SLC22A24: variants seen among roughly 807,000 people sequenced by gnomAD.
SLC22A24 encodes the protein solute carrier family 22 member 24, also known as steroid transmembrane transporter SLC22A24.
Under a neutral mutation model 49.8 loss-of-function variants are expected in SLC22A24, and 53 were observed. The ratio of observed to expected loss-of-function variants is 1.06; its 90% CI spans 0.85 to 1.34. The LOEUF (loss-of-function observed/expected upper bound fraction) is 1.34, where lower values mean the gene tolerates loss of function less well. Among genes scored for constraint, SLC22A24 ranks in the 40% most tolerant of loss-of-function variants. The pLI is 0.00. For synonymous variants in SLC22A24, 302 were observed against 256.4 expected, an observed-to-expected ratio of 1.18 and a Z score of -1.70; for missense variants, 786 against 675.9, an observed-to-expected ratio of 1.16 and a Z score of -1.81.
At chr11:63,129,017 AT>A (rs2087314263) in intron 2 of SLC22A24, among the ~76,000 whole-genome samples, 1 of 152,048 alleles carries the variant, frequency 6.6e-6, no homozygotes, top group Non-Finnish European at 1.5e-5. Flanking sequence ...TTTTGTTGCC[AT>A]TGTTTTGGTG....
intron 2 of SLC22A24, among the ~76,000 whole-genome samples, chr11:63,125,321 C>T (rs192569492): frequency 1.8e-4 from 28 of 152,170 alleles, no homozygotes; most frequent in East Asian, 7.8e-4. Context: ...CTGCACTCCA[C>T]GACAGGCCCT....
chr11:63,098,963 A>G (rs752150580), intron 5 of SLC22A24, among the ~76,000 whole-genome samples: 5 of 152,172 alleles, frequency 3.3e-5, no homozygotes, highest in Non-Finnish European at 7.4e-5. Flanking sequence ...TCAAAGGGTT[A>G]TTAAAGGCTG....
chr11:63,082,959 A>G (rs1461607531), intron 7 of SLC22A24, among the ~76,000 whole-genome samples: 3 of 152,250 alleles, frequency 2.0e-5, no homozygotes, highest in Non-Finnish European at 2.9e-5. Context: ...TTACTTTTCT[A>G]AAGAAACCAT....
At chr11:63,118,603 T>C (rs1232430413) in intron 4 of SLC22A24, 5 of 538,808 alleles carry the variant, frequency 9.3e-6, no homozygotes, top group Non-Finnish European at 1.6e-5. Flanking sequence ...CCAAATTATC[T>C]CCATCACATA....
At chr11:63,111,181 G>A (rs1354765038) in intron 4 of SLC22A24, among the ~76,000 whole-genome samples, 1 of 151,974 alleles carries the variant, frequency 6.6e-6, no homozygotes, top group Non-Finnish European at 1.5e-5. Flanking sequence ...AACCAGCCTT[G>A]CATCCCAGGG....
At chr11:63,104,092 G>T (rs745320727) in intron 5 of SLC22A24, 83 bp downstream of exon 5, 3 of 1,417,924 alleles carry the variant, frequency 2.1e-6, no homozygotes, top group Non-Finnish European at 2.9e-6. Flanking sequence ...GTCTAATTCT[G>T]TCACTCCAGG....
In SLC22A24 at chr11:63,116,685, C is replaced by T. The variant is rs538334678; in HGVS notation, c.830+2227G>A. On this transcript the variant is annotated intron_variant, in intron 4 of 9. Coordinates refer to ENST00000612278, the MANE Select transcript of SLC22A24 (RefSeq NM_001136506.2). ...TTATTTTTAAAAATATACTTTGTTC[C>T]TTTTTCTCAGCCCTCGCCTTCTGGG... Among the ~76,000 whole-genome samples, 78 of 151,996 alleles carry T rather than the reference C, an allele frequency of 5.1e-4. 2 individuals are homozygous for T. In the South Asian group the frequency reaches 0.015, roughly 30 times the overall value.
At chr11:63,118,489 C>T (rs935474782) in intron 4 of SLC22A24, 3 of 233,734 alleles carry the variant, frequency 1.3e-5, no homozygotes, top group Non-Finnish European at 2.5e-5. Context: ...CCCATCCTAA[C>T]TCTTGGTGCT....
rs1478181582 is a variant in SLC22A24 at position 63,081,023 on chromosome 11, T to C, written c.1495A>G (p.Ile499Val). 6.4e-7 allele frequency: 1 copy of C among 1,551,534 alleles called. No individual in the cohort carries two copies. Among genetic ancestry groups the C allele is most frequent in the Non-Finnish European group, 8.7e-7 (1 of 1,147,022 alleles). ...LMAYSPHLPWISYGVFPILAV... is the reference protein window; with the variant it reads ...LMAYSPHLPWVSYGVFPILAV... ...AGGATGGGGAAGACTCCATAGGAAATCCAGGGTAGGTGGGGAGAATACGCC... is the reference window on the plus strand; with the variant it reads ...AGGATGGGGAAGACTCCATAGGAAACCCAGGGTAGGTGGGGAGAATACGCC... Residue 499 changes from isoleucine (I) to valine (V), a missense_variant, in exon 9 of 10, where the codon ATT becomes GTT. Transcript: ENST00000612278.
At chr11:63,134,977 T>G (rs1209423831) in intron 1 of SLC22A24, among the ~76,000 whole-genome samples, 1 of 152,176 alleles carries the variant, frequency 6.6e-6, no homozygotes, top group Non-Finnish European at 1.5e-5. Flanking sequence ...TGCATCTGTC[T>G]CTCTCTCACC....
intron 6 of SLC22A24, among the ~76,000 whole-genome samples, chr11:63,086,456 G>A (rs890319546): frequency 1.3e-5 from 2 of 152,104 alleles, no homozygotes; most frequent in African/African-American, 4.8e-5. Context: ...AATACCACAT[G>A]TTCTCACTTA....
chr11:63,104,331 C>A (rs765287471), intron 4 of SLC22A24, 33 bp from the exon 5 acceptor site: 5 of 1,522,394 alleles, frequency 3.3e-6, no homozygotes, highest in Non-Finnish European at 4.4e-6. Context: ...GTATAGTAAA[C>A]AATTACTTAT....
intron 9 of SLC22A24, 145 bp from the exon 10 acceptor site, chr11:63,080,145 A>G (rs2086951012): frequency 8.6e-6 from 5 of 578,352 alleles, no homozygotes; most frequent in Non-Finnish European, 1.2e-5. Context: ...AGATATTGAT[A>G]CTATTGTGTT....
At chr11:63,106,464 G>A (rs1445712770) in intron 4 of SLC22A24, among the ~76,000 whole-genome samples, 4 of 152,056 alleles carry the variant, frequency 2.6e-5, no homozygotes, top group Non-Finnish European at 5.9e-5. Flanking sequence ...GGGATGGCTG[G>A]GTCAAATGGT....
chr11:63,100,302 A>G (rs2087082806), intron 5 of SLC22A24, among the ~76,000 whole-genome samples: 1 of 152,192 alleles, frequency 6.6e-6, no homozygotes, highest in Non-Finnish European at 1.5e-5. Context: ...ATAAATTAAT[A>G]AAGTAATACC....
chr11:63,082,375 T>G (rs2086965217), intron 7 of SLC22A24, among the ~76,000 whole-genome samples: 1 of 152,096 alleles, frequency 6.6e-6, no homozygotes. Flanking sequence ...AATATCAAAA[T>G]AGGATTTTAA....
At chr11:63,109,871 T>C (rs529101464) in intron 4 of SLC22A24, among the ~76,000 whole-genome samples, 3,553 of 151,746 alleles carry the variant, frequency 0.023, 121 homozygotes, top group African/African-American at 0.08. Context: ...ATTTGTCAAT[T>C]TTGGCTTTTG....
rs186841007 is a variant in SLC22A24 at position 63,122,053 on chromosome 11, C to T, written c.507-2718G>A. 2.2e-4 allele frequency among the ~76,000 whole-genome samples: 33 copies of T among 152,132 alleles called. No individual in the cohort carries two copies. The East Asian group carries it at 5.4e-3, about 25-fold the overall frequency. On this transcript the variant is annotated intron_variant, in intron 2 of 9. Transcript: ENST00000612278. ...CAAATTAACGAAGATATTACCTCATCAATAAGGAAAATGATTAACTGAATC... is the reference window on the plus strand; with the variant it reads ...CAAATTAACGAAGATATTACCTCATTAATAAGGAAAATGATTAACTGAATC...
intron 6 of SLC22A24, among the ~76,000 whole-genome samples, chr11:63,094,542 T>A (rs992011560): frequency 6.6e-6 from 1 of 152,204 alleles, no homozygotes; most frequent in Non-Finnish European, 1.5e-5. Flanking sequence ...TCTAGATCCC[T>A]GAGGAATCGC....
Sources: allele counts gnomAD v4.1 joint callset (sites outside exome capture counted in the v4.1 genomes callset), GRCh38; gene constraint gnomAD v4.1.1; transcripts MANE v1.5; gene names NCBI Gene and HGNC (gene_info 2026-07-23, HGNC 2026-07-21).